ECPAS: variants seen among roughly 807,000 people sequenced by gnomAD.
ECPAS encodes the protein Ecm29 proteasome adaptor and scaffold.
In ECPAS, 70 loss-of-function variants were observed where a neutral mutation model predicts 255.1. The observed-to-expected ratio is 0.27, with a 90% CI of 0.23 to 0.33. ECPAS has a LOEUF of 0.33. Ranked by LOEUF, ECPAS falls within the 10% of genes least tolerant of loss-of-function variation. The pLI, the probability that ECPAS is intolerant of heterozygous loss-of-function variation, is 1.00. For missense variants in ECPAS, 1,817 were observed against 2,206.4 expected (o/e 0.82, Z 3.54); for synonymous variants, 784 against 775.0 (o/e 1.01, Z -0.19).
At chr9:111,369,307 G>A (rs1564495065) in intron 45 of ECPAS, 134 bp from the exon 46 acceptor site, 1 of 587,768 alleles carries the variant, frequency 1.7e-6, no homozygotes, top group African/African-American at 1.9e-5. Context: ...TCTACCATAA[G>A]TTTCCCTATT....
chr9:111,380,666 T>C (rs758720452), intron 35 of ECPAS, among the ~76,000 whole-genome samples: 1 of 152,232 alleles, frequency 6.6e-6, no homozygotes, highest in Non-Finnish European at 1.5e-5. Flanking sequence ...CAAAAGGCTA[T>C]TTCATCTCCA....
At chr9:111,397,987 C>T (rs1009146616) in intron 24 of ECPAS, among the ~76,000 whole-genome samples, 8 of 152,144 alleles carry the variant, frequency 5.3e-5, no homozygotes, top group African/African-American at 1.9e-4. Context: ...GAGTCACTGA[C>T]CCAACATGTA....
At chr9:111,377,329 T>C (rs754658082) in intron 36 of ECPAS, among the ~76,000 whole-genome samples, 21 of 151,438 alleles carry the variant, frequency 1.4e-4, no homozygotes, top group Admixed American at 2.0e-4. Flanking sequence ...AATAGAAAAA[T>C]AGACATGGAA....
rs2098164313 is a variant in ECPAS at position 111,394,183 on chromosome 9, G to A, written c.2899C>T (p.Leu967=). The change falls in exon 26 of 50, where the codon CTA becomes TTA. Residue 967 remains leucine, a synonymous_variant. Transcript: ENST00000684092. ...ACCTTCACTTCTTTGTGGGTACTTA[G>A]CTTCCTGACAAGGGAAAGGAGCCAG... ...CIWLLSLVRK[L]STHKEVKSHL... 1.9e-6 allele frequency: 3 copies of A among 1,608,566 alleles called. No individual in the cohort carries two copies. Among genetic ancestry groups the A allele is most frequent in the Middle Eastern group, 1.6e-4 (1 of 6,066 alleles).
intron 9 of ECPAS, among the ~76,000 whole-genome samples, chr9:111,428,771 G>C (rs978069954): frequency 2.6e-5 from 4 of 151,546 alleles, no homozygotes; most frequent in African/African-American, 7.3e-5. Flanking sequence ...AAGGTTAGTT[G>C]CAATTTGGAG....
chr9:111,394,107 T>C, intron 26 of ECPAS, 53 bp downstream of exon 26: 1 of 1,504,412 alleles, frequency 6.6e-7, no homozygotes, highest in Non-Finnish European at 8.9e-7. Context: ...CTTTCCTTGC[T>C]ACTTATAATA....
At chr9:111,453,430 TG>T (rs529303952) in intron 2 of ECPAS, among the ~76,000 whole-genome samples, 6 of 151,996 alleles carry the variant, frequency 3.9e-5, no homozygotes, top group Admixed American at 2.0e-4. Flanking sequence ...TGAAAGAAAC[TG>T]GGGGGGAAGA....
intron 2 of ECPAS, among the ~76,000 whole-genome samples, chr9:111,458,622 G>C (rs2098269691): frequency 6.6e-6 from 1 of 151,954 alleles, no homozygotes; most frequent in African/African-American, 2.4e-5. Context: ...GGTGGACAAG[G>C]GGAAGGGTTG....
chr9:111,442,229 C>G, intron 5 of ECPAS, 77 bp downstream of exon 5: 1 of 976,178 alleles, frequency 1.0e-6, no homozygotes, highest in East Asian at 2.7e-5. Context: ...CAAGTAAAAC[C>G]AAATATGTGA....
intron 43 of ECPAS, 108 bp downstream of exon 43, chr9:111,371,513 C>A: frequency 9.5e-7 from 1 of 1,051,684 alleles, no homozygotes; most frequent in South Asian, 1.5e-5. Context: ...AAATCTAGTT[C>A]ACAAAAATAA....
intron 18 of ECPAS, among the ~76,000 whole-genome samples, chr9:111,415,393 TA>T (rs2098201805): frequency 6.6e-6 from 1 of 151,878 alleles, no homozygotes. Context: ...AAAATAGATA[TA>T]ACACCATAAA....
chr9:111,484,346 G>A lies in ECPAS; in HGVS notation c.-313C>T. On this transcript the variant is annotated 5_prime_UTR_variant, in exon 1 of 50. Transcript: ENST00000684092. ...CTGTCACGTTGGCTGGGCCCGACCT[G>A]GGGAAACACGCCTGTCCAAAGGAAG... The A allele has an allele frequency of 1.9e-6, 3 of 1,609,250 alleles. No individual in the cohort carries two copies. Among genetic ancestry groups the A allele is most frequent in the Non-Finnish European group, 2.5e-6 (3 of 1,178,544 alleles).
intron 37 of ECPAS, among the ~76,000 whole-genome samples, chr9:111,376,050 A>G (rs1176571989): frequency 6.6e-6 from 1 of 152,212 alleles, no homozygotes; most frequent in Non-Finnish European, 1.5e-5. Flanking sequence ...TCCTATGACT[A>G]AAACAACATA....
intron 1 of ECPAS, among the ~76,000 whole-genome samples, chr9:111,480,040 A>T (rs981101750): frequency 6.6e-6 from 1 of 152,064 alleles, no homozygotes; most frequent in Non-Finnish European, 1.5e-5. Flanking sequence ...GACAAATGAC[A>T]AAGTTTGCTA....
intron 24 of ECPAS, among the ~76,000 whole-genome samples, chr9:111,402,436 A>G (rs1370812366): frequency 6.6e-6 from 1 of 152,262 alleles, no homozygotes; most frequent in Non-Finnish European, 1.5e-5. Context: ...CTAATACTTT[A>G]TAGAGTATTC....
rs773995380 is a variant in ECPAS, at chr9:111,422,083, C to G, written c.1333-40G>C. ...AAAATGTTTCCCTCCTTGTTGGGTT[C>G]CCAGGGGAACATCCAAACACAAAGC... On this transcript the variant is annotated intron_variant, in intron 14 of 49. Coordinates refer to ENST00000684092, the MANE Select transcript of ECPAS (RefSeq NM_001364929.1). 1.1e-5 allele frequency: 17 copies of G among 1,613,466 alleles called. No individual in the cohort carries two copies. The South Asian group carries it at 1.6e-4, about 16-fold the overall frequency.
At chr9:111,416,421 A>C in intron 17 of ECPAS, 69 bp from the exon 18 acceptor site, 2 of 1,102,136 alleles carry the variant, frequency 1.8e-6, no homozygotes, top group Non-Finnish European at 2.8e-6. Context: ...TCCTCAACTC[A>C]AAAACAACTG....
intron 49 of ECPAS, among the ~76,000 whole-genome samples, chr9:111,362,410 C>G (rs1216221256): frequency 6.6e-6 from 1 of 151,982 alleles, no homozygotes; most frequent in Non-Finnish European, 1.5e-5. Context: ...GTTTCCTCTC[C>G]TTCCCCCAGT....
chr9:111,470,265 A>C, intron 2 of ECPAS, among the ~76,000 whole-genome samples: 1 of 152,014 alleles, frequency 6.6e-6, no homozygotes, highest in East Asian at 1.9e-4. Flanking sequence ...GATCTACTAC[A>C]GGCTAGGCTC....
Sources: gnomAD v4.1 joint callset for allele counts (sites outside exome capture counted in the v4.1 genomes callset) on GRCh38, gnomAD v4.1.1 for gene constraint, MANE v1.5 for transcripts, NCBI Gene and HGNC (gene_info 2026-07-23, HGNC 2026-07-21) for gene names.